Variants in RALYL observed in about 807,000 individuals in gnomAD.
RALYL encodes RALY RNA binding protein like, also known as RNA-binding Raly-like protein.
RALYL carries 29 observed loss-of-function variants against 35.1 expected under a neutral mutation model. The observed-to-expected ratio is 0.83, with a 90% CI of 0.61 to 1.13. The LOEUF is 1.13. Ranked by LOEUF, RALYL falls within the 50% of genes most tolerant of loss-of-function variation. The pLI, the probability that RALYL is intolerant of heterozygous loss-of-function variation, is 0.00. For synonymous variants in RALYL, 120 were observed against 127.6 expected (o/e 0.94, Z 0.40); for missense variants, 359 against 360.4 (o/e 1.00, Z 0.03).
intron 1 of RALYL, among the ~76,000 whole-genome samples, chr8:84,415,997 G>A (rs903240403): frequency 2.6e-5 from 4 of 152,298 alleles, no homozygotes; most frequent in South Asian, 2.1e-4. Context: ...AGTGAGTGAC[G>A]AAGGATCATT....
intron 2 of RALYL, among the ~76,000 whole-genome samples, chr8:84,735,809 C>CGTGAGAGAGAGAGAGAGAGAGAGAGA (rs766504736): frequency 1.8e-4 from 21 of 119,108 alleles, no homozygotes; most frequent in African/African-American, 6.0e-4. Context: ...TCATCCAAAC[C>CGTGAGAGAGAGAGAGAGAGAGAGAGA]GCGAGAGAGA....
chr8:84,406,643 C>T (rs2043528412), intron 1 of RALYL, among the ~76,000 whole-genome samples: 1 of 151,812 alleles, frequency 6.6e-6, no homozygotes, highest in Non-Finnish European at 1.5e-5. Context: ...CAACCTCTTA[C>T]CTAGGAACAT....
At position 84,559,938 on chromosome 8, in the gene RALYL, T is replaced by C. The variant is rs1473913977; in HGVS notation, c.256+30361T>C. ...GTAGAGGCATAGTACAAGAGAGCTCTGAACTCCTACAATCAAGTGTAGGCA... is the reference window on the plus strand; with the variant it reads ...GTAGAGGCATAGTACAAGAGAGCTCCGAACTCCTACAATCAAGTGTAGGCA... On this transcript the variant is annotated intron_variant, in intron 2 of 8. Transcript: ENST00000521268. Among the ~76,000 whole-genome samples the C allele has an allele frequency of 2.0e-5, 3 of 150,720 alleles. No individual in the cohort carries two copies. In the East Asian group the frequency reaches 5.8e-4, roughly 29 times the overall value.
intron 2 of RALYL, among the ~76,000 whole-genome samples, chr8:84,683,803 C>T (rs1836170571): frequency 1.3e-5 from 2 of 152,204 alleles, no homozygotes; most frequent in Non-Finnish European, 2.9e-5. Flanking sequence ...TCTCCTGCCA[C>T]ATCCTCCTGA....
intron 1 of RALYL, among the ~76,000 whole-genome samples, chr8:84,381,244 A>G (rs1462318709): frequency 6.6e-6 from 1 of 151,930 alleles, no homozygotes; most frequent in Non-Finnish European, 1.5e-5. Context: ...ATTAAATTCT[A>G]CGATTTTAAA....
intron 2 of RALYL, among the ~76,000 whole-genome samples, chr8:84,698,145 C>T (rs1839498015): frequency 6.6e-6 from 1 of 152,072 alleles, no homozygotes; most frequent in Non-Finnish European, 1.5e-5. Flanking sequence ...TTCTTGCAAG[C>T]TCTTTGAACT....
Position 84,364,699 on chromosome 8 carries a change from A to G in RALYL, c.-23-164600A>G, listed in dbSNP as rs548116014. Among the ~76,000 whole-genome samples, 13 of 152,266 alleles carry G rather than the reference A, an allele frequency of 8.5e-5. No individual in the cohort carries two copies. In the East Asian group the frequency reaches 2.5e-3, roughly 29 times the overall value. The stretch of plus-strand genomic sequence containing the variant: ...ATGATTCATTAACACTAAGTTATAA[A>G]TCATCACATAGCATTTTTTAAAATT... On this transcript the variant is annotated intron_variant, in intron 1 of 8. Transcript: ENST00000521268.
At chr8:84,486,049 A>C (rs1402465168) in intron 1 of RALYL, among the ~76,000 whole-genome samples, 3 of 140,772 alleles carry the variant, frequency 2.1e-5, no homozygotes, top group Non-Finnish European at 4.6e-5. Context: ...GTTAGAATTT[A>C]GACAGTAGCC....
intron 5 of RALYL, among the ~76,000 whole-genome samples, chr8:84,858,224 GAAATT>G (rs1449649046): frequency 2.6e-5 from 4 of 152,080 alleles, no homozygotes; most frequent in African/African-American, 9.7e-5. Context: ...ATTAAATAAA[GAAATT>G]AAATTCTCAA....
chr8:84,234,926 G>T (rs887987614), intron 1 of RALYL, among the ~76,000 whole-genome samples: 1 of 151,742 alleles, frequency 6.6e-6, no homozygotes, highest in African/African-American at 2.4e-5. Context: ...GACCATGCCC[G>T]GCTAATTTTT....
chr8:84,457,061 A>G (rs2050213744), intron 1 of RALYL, among the ~76,000 whole-genome samples: 1 of 151,990 alleles, frequency 6.6e-6, no homozygotes, highest in South Asian at 2.1e-4. Context: ...TTATCTTAAA[A>G]CATCTAATTT....
intron 1 of RALYL, among the ~76,000 whole-genome samples, chr8:84,401,506 C>T (rs1367571584): frequency 2.0e-5 from 3 of 151,468 alleles, no homozygotes; most frequent in Admixed American, 6.6e-5. Context: ...GGCGCGGTGG[C>T]GGGCGCCTGT....
At chr8:84,406,160 G>A (rs1018464008) in intron 1 of RALYL, among the ~76,000 whole-genome samples, 4 of 150,970 alleles carry the variant, frequency 2.6e-5, no homozygotes, top group Admixed American at 6.6e-5. Flanking sequence ...ACTGTTATAT[G>A]TATGCTTACA....
At chr8:84,327,554 A>G (rs1284586707) in intron 1 of RALYL, among the ~76,000 whole-genome samples, 1 of 152,146 alleles carries the variant, frequency 6.6e-6, no homozygotes, top group African/African-American at 2.4e-5. Flanking sequence ...TTGGAACACA[A>G]TCACATCCAG....
intron 7 of RALYL, among the ~76,000 whole-genome samples, chr8:84,878,938 G>C (rs1841698039): frequency 6.6e-6 from 1 of 152,126 alleles, no homozygotes; most frequent in Admixed American, 6.6e-5. Flanking sequence ...CAAGGCACGG[G>C]AACCATCTCA....
At chr8:84,843,968 C>T (rs189627275) in intron 4 of RALYL, among the ~76,000 whole-genome samples, 1 of 152,158 alleles carries the variant, frequency 6.6e-6, no homozygotes, top group African/African-American at 2.4e-5. Context: ...AAAATTAATT[C>T]AAGATGGATT....
At chr8:84,902,698 G>A (rs989011647) in intron 8 of RALYL, among the ~76,000 whole-genome samples, 5 of 152,056 alleles carry the variant, frequency 3.3e-5, no homozygotes, top group East Asian at 1.9e-4. Context: ...TACATTTATC[G>A]ATTCAGTTAT....
chr8:84,241,777 CAA>C (rs35007112), intron 1 of RALYL, among the ~76,000 whole-genome samples: 1,498 of 110,520 alleles, frequency 0.014, 19 homozygotes, highest in African/African-American at 0.041. Flanking sequence ...GACTGTGTCT[CAA>C]AAAAAAAAAA....
rs573632327 is a variant in RALYL at position 84,190,521 on chromosome 8, G to A, written c.-24+6097G>A. ...TAAAGACTTGGTCATAAGTCCTCAC[G>A]TTCATAAAATCAGTGGATTTAGAGG... On this transcript the variant is annotated intron_variant, in intron 1 of 8. Transcript: ENST00000521268. Among the ~76,000 whole-genome samples, 6 of 152,276 alleles carry A rather than the reference G, an allele frequency of 3.9e-5. No homozygotes were observed. In the South Asian group the frequency reaches 1.2e-3, roughly 32 times the overall value.
Sources: gnomAD v4.1 joint callset for allele counts (sites outside exome capture counted in the v4.1 genomes callset) on GRCh38, gnomAD v4.1.1 for gene constraint, MANE v1.5 for transcripts, NCBI Gene and HGNC (gene_info 2026-07-23, HGNC 2026-07-21) for gene names.